The following RIC3 variants were observed in gnomAD, a reference collection of about 807,000 sequenced individuals.
The protein encoded by RIC3 is RIC3 acetylcholine receptor chaperone.
Under a neutral mutation model 27.3 loss-of-function variants are expected in RIC3, and 28 were observed. That is an observed-to-expected ratio of 1.02 (90% CI 0.76 to 1.41). The LOEUF (loss-of-function observed/expected upper bound fraction) is 1.41. Among genes scored for constraint, RIC3 ranks in the 40% most tolerant of loss-of-function variants. RIC3 has a pLI of 0.00. For missense variants in RIC3, 501 were observed against 444.7 expected (o/e 1.13, Z -1.14); for synonymous variants, 184 against 160.4 (o/e 1.15, Z -1.11).
At chr11:8,112,831 T>C (rs932124109) in intron 5 of RIC3, among the ~76,000 whole-genome samples, 1 of 152,340 alleles carries the variant, frequency 6.6e-6, no homozygotes, top group East Asian at 1.9e-4. Context: ...ATAAGTAGTA[T>C]ACAAGTTAAG....
rs1369301537 is a variant in RIC3 at position 8,158,405 on chromosome 11, C to T, written c.124+10461G>A. Reference sequence around the variant, plus strand: ...CTGTGGGAACACCAAAGGTTCCCAGCCAAGTAGAAGTAGTAGATAGGACTC... The same window carrying T: ...CTGTGGGAACACCAAAGGTTCCCAGTCAAGTAGAAGTAGTAGATAGGACTC... On this transcript the variant is annotated intron_variant, in intron 1 of 5. Coordinates refer to ENST00000309737, the MANE Select transcript of RIC3 (RefSeq NM_001206671.4). 2.0e-5 allele frequency among the ~76,000 whole-genome samples: 3 copies of T among 151,994 alleles called. No individual in the cohort carries two copies. The East Asian group carries it at 5.9e-4, about 30-fold the overall frequency.
intron 1 of RIC3, among the ~76,000 whole-genome samples, chr11:8,156,248 G>A (rs1306657755): frequency 6.6e-6 from 1 of 152,222 alleles, no homozygotes; most frequent in African/African-American, 2.4e-5. Context: ...CTGATGACAA[G>A]AGGCTGTATT....
chr11:8,149,266 G>A (rs1441780157), intron 1 of RIC3, among the ~76,000 whole-genome samples: 4 of 151,570 alleles, frequency 2.6e-5, no homozygotes, highest in Non-Finnish European at 5.9e-5. Context: ...AATTACTGAA[G>A]GGAATGAAAG....
chr11:8,134,566 G>A (rs34564994), intron 4 of RIC3, among the ~76,000 whole-genome samples: 10,352 of 152,178 alleles, frequency 0.068, 393 homozygotes, highest in South Asian at 0.1. Context: ...CTGAGGAATC[G>A]TCACACTGTC....
chr11:8,121,292 CATTA>C (rs1289882131), intron 5 of RIC3, among the ~76,000 whole-genome samples: 8 of 152,162 alleles, frequency 5.3e-5, no homozygotes, highest in Non-Finnish European at 1.5e-5. Flanking sequence ...AATTTCATTT[CATTA>C]ATTACTTGTG....
At chr11:8,141,389 G>T (rs1379243810) in intron 1 of RIC3, among the ~76,000 whole-genome samples, 1 of 152,180 alleles carries the variant, frequency 6.6e-6, no homozygotes, top group Non-Finnish European at 1.5e-5. Context: ...CCTAGTTTCT[G>T]ATAAAACAGA....
chr11:8,132,947 T>C (rs908902775), intron 4 of RIC3, among the ~76,000 whole-genome samples: 3 of 152,182 alleles, frequency 2.0e-5, no homozygotes, highest in Non-Finnish European at 4.4e-5. Context: ...AGGGAAAACA[T>C]GTAGAAACAT....
intron 5 of RIC3, among the ~76,000 whole-genome samples, chr11:8,113,416 C>T (rs1945485581): frequency 6.6e-6 from 1 of 152,186 alleles, no homozygotes; most frequent in Non-Finnish European, 1.5e-5. Context: ...CATGCTGGCC[C>T]CTGCAGATAC....
At chr11:8,119,653 A>G (rs570936554) in intron 5 of RIC3, among the ~76,000 whole-genome samples, 155 of 152,356 alleles carry the variant, frequency 1.0e-3, no homozygotes, top group African/African-American at 2.9e-3. Flanking sequence ...TTCATGACTA[A>G]GACACCAAAA....
At chr11:8,100,566 A>G in the RIC3 span, 573 of 1,614,120 alleles carry the variant, frequency 3.5e-4, no homozygotes, top group Non-Finnish European at 4.0e-4. Context: ...AGGCATGAAC[A>G]TGGTTCATGA....
At chr11:8,131,093 T>C (rs907054877) in intron 4 of RIC3, among the ~76,000 whole-genome samples, 5 of 141,908 alleles carry the variant, frequency 3.5e-5, no homozygotes, top group South Asian at 2.3e-4. Flanking sequence ...GTATCAAAAA[T>C]AGGCATTCAT....
chr11:8,135,606 T>G, intron 4 of RIC3: 1 of 152,198 alleles, frequency 6.6e-6, no homozygotes, highest in Non-Finnish European at 1.5e-5. Context: ...TGATTCTTCC[T>G]ATCCATGAGC....
intron 4 of RIC3, among the ~76,000 whole-genome samples, chr11:8,133,356 G>A (rs1330217055): frequency 2.0e-5 from 3 of 152,106 alleles, no homozygotes; most frequent in African/African-American, 4.8e-5. Context: ...CGAACATATG[G>A]GCTGCCTAGC....
intron 1 of RIC3, among the ~76,000 whole-genome samples, chr11:8,151,538 A>C (rs1268180735): frequency 1.5e-5 from 2 of 137,586 alleles, no homozygotes; most frequent in East Asian, 4.2e-4. Context: ...GTGAGTCGAG[A>C]TCGCGCCACT....
chr11:8,111,210 AAG>A (rs1945226638), intron 5 of RIC3, 73 bp from the exon 6 acceptor site: 1 of 1,121,024 alleles, frequency 8.9e-7, no homozygotes, highest in African/African-American at 1.6e-5. Flanking sequence ...GTCAGGTTCA[AAG>A]AGGATTCTCA....
intron 1 of RIC3, among the ~76,000 whole-genome samples, chr11:8,162,115 G>T (rs1439675898): frequency 6.6e-6 from 1 of 152,182 alleles, no homozygotes; most frequent in Non-Finnish European, 1.5e-5. Flanking sequence ...CCCTGAGAGG[G>T]CAGCCAGAGC....
chr11:8,100,703 C>T, the RIC3 span: 1 of 1,519,952 alleles, frequency 6.6e-7, no homozygotes, highest in Non-Finnish European at 9.1e-7. Context: ...GGAGGGGTAC[C>T]ATGTGAGAAA....
chr11:8,126,505 T>A (rs1947009160), intron 5 of RIC3, among the ~76,000 whole-genome samples, 154 bp downstream of exon 5: 1 of 152,238 alleles, frequency 6.6e-6, no homozygotes, highest in Admixed American at 6.5e-5. Context: ...ACAAACTCTA[T>A]ATATTTGTCA....
the RIC3 span, chr11:8,098,792 G>A: frequency 6.2e-7 from 1 of 1,614,118 alleles, no homozygotes; most frequent in Non-Finnish European, 8.5e-7. Flanking sequence ...CACTGTTTAT[G>A]ACAATGGAGT....
Sources: gnomAD v4.1 joint callset for allele counts (sites outside exome capture counted in the v4.1 genomes callset) on GRCh38, gnomAD v4.1.1 for gene constraint, MANE v1.5 for transcripts, NCBI Gene and HGNC (gene_info 2026-07-23, HGNC 2026-07-21) for gene names.